AGBL1: variants seen among roughly 807,000 people sequenced by gnomAD.
AGBL1 encodes AGBL carboxypeptidase 1, also known as cytosolic carboxypeptidase 4.
A neutral mutation model predicts 118.9 loss-of-function variants in AGBL1; 130 were observed. The ratio of observed to expected loss-of-function variants is 1.09; its 90% CI spans 0.95 to 1.26. The LOEUF is 1.26. Among genes scored for constraint, AGBL1 ranks in the 50% most tolerant of loss-of-function variants. The probability of loss-of-function intolerance (pLI) is 0.00; values close to 1 mark genes in which losing one functional copy is unlikely to be tolerated. For missense variants in AGBL1, 1,584 were observed against 1,298.1 expected (o/e 1.22, Z -3.38); for synonymous variants, 555 against 478.9 (o/e 1.16, Z -2.08).
chr15:86,761,326 A>C lies in AGBL1; in HGVS notation c.3158+86890A>C, dbSNP rs181246996. ...ATTTGCACCACTGCACTCCAAAGTAAGGATTTAATTTTACTGGTGAAAAAC... is the reference window on the plus strand; with the variant it reads ...ATTTGCACCACTGCACTCCAAAGTACGGATTTAATTTTACTGGTGAAAAAC... On this transcript the variant is annotated intron_variant, in intron 22 of 22. Coordinates refer to ENST00000614907, the MANE Select transcript of AGBL1 (RefSeq NM_001386094.1). Among the ~76,000 whole-genome samples the C allele has an allele frequency of 3.3e-5, 5 of 152,226 alleles. No individual in the cohort carries two copies. The East Asian group carries it at 9.7e-4, about 30-fold the overall frequency.
intron 19 of AGBL1, among the ~76,000 whole-genome samples, chr15:86,527,049 C>T (rs896343194): frequency 2.0e-5 from 3 of 152,158 alleles, no homozygotes; most frequent in African/African-American, 7.2e-5. Context: ...ACAATCTTTT[C>T]ATTCTGACCT....
intron 23 of AGBL1, among the ~76,000 whole-genome samples, chr15:86,928,508 T>G (rs957874050): frequency 2.0e-5 from 3 of 152,202 alleles, no homozygotes; most frequent in Admixed American, 6.5e-5. Context: ...AGCATTTATT[T>G]GAGTCTAGGG....
At chr15:86,343,503 C>T (rs1160622546) in intron 17 of AGBL1, among the ~76,000 whole-genome samples, 2 of 152,164 alleles carry the variant, frequency 1.3e-5, no homozygotes, top group Non-Finnish European at 2.9e-5. Flanking sequence ...TGAAATGATG[C>T]CCCAGTCGGG....
At chr15:86,767,674 G>A (rs879911544) in intron 22 of AGBL1, among the ~76,000 whole-genome samples, 6 of 152,010 alleles carry the variant, frequency 3.9e-5, no homozygotes, top group Admixed American at 6.6e-5. Context: ...TCTTATAGTA[G>A]AGAAAACTGA....
chr15:86,786,914 G>A (rs1013767527), intron 22 of AGBL1, among the ~76,000 whole-genome samples: 3 of 152,092 alleles, frequency 2.0e-5, no homozygotes, highest in Admixed American at 1.3e-4. Flanking sequence ...GAGCCAAAAG[G>A]TATGTTCATC....
chr15:86,086,369 C>T (rs1415512148), intron 1 of AGBL1: 4 of 152,214 alleles, frequency 2.6e-5, no homozygotes, highest in Middle Eastern at 3.4e-3. Context: ...TCCTTTACGC[C>T]AGGCCTGAAA....
intron 18 of AGBL1, among the ~76,000 whole-genome samples, chr15:86,460,773 G>T (rs1294282646): frequency 6.6e-6 from 1 of 152,168 alleles, no homozygotes; most frequent in Admixed American, 6.5e-5. Flanking sequence ...TGATTTCCTA[G>T]TTCCTTTAGT....
intron 16 of AGBL1, among the ~76,000 whole-genome samples, chr15:86,293,039 T>C (rs1567182061): frequency 6.6e-6 from 1 of 152,336 alleles, no homozygotes; most frequent in East Asian, 1.9e-4. Flanking sequence ...CATAGAATTA[T>C]CTGGTAATCT....
At chr15:87,016,870 C>T (rs766123480) in intron 24 of AGBL1, among the ~76,000 whole-genome samples, 1 of 152,142 alleles carries the variant, frequency 6.6e-6, no homozygotes, top group Non-Finnish European at 1.5e-5. Flanking sequence ...ACCACCAAGG[C>T]CTTGGGTCTG....
At chr15:86,467,808 G>A (rs2082426423) in intron 18 of AGBL1, among the ~76,000 whole-genome samples, 1 of 152,152 alleles carries the variant, frequency 6.6e-6, no homozygotes, top group Non-Finnish European at 1.5e-5. Context: ...TCCATGGGTT[G>A]CACCCACTGT....
At chr15:86,546,571 A>T (rs1189387986) in intron 20 of AGBL1, among the ~76,000 whole-genome samples, 1 of 152,188 alleles carries the variant, frequency 6.6e-6, no homozygotes, top group Non-Finnish European at 1.5e-5. Flanking sequence ...AATGATACTG[A>T]ATACAAAAGG....
At chr15:86,225,233 A>G (rs984709278) in intron 6 of AGBL1, among the ~76,000 whole-genome samples, 3 of 151,944 alleles carry the variant, frequency 2.0e-5, no homozygotes, top group African/African-American at 2.4e-5. Context: ...AAGGGGGTAT[A>G]TTGACTACTG....
chr15:86,963,546 T>C (rs148041704), intron 23 of AGBL1, among the ~76,000 whole-genome samples: 158 of 152,138 alleles, frequency 1.0e-3, no homozygotes, highest in African/African-American at 3.6e-3. Flanking sequence ...TACAAAGTTA[T>C]AGCAAGAAGT....
intron 1 of AGBL1, among the ~76,000 whole-genome samples, chr15:86,096,051 A>T (rs1896359161): frequency 6.6e-6 from 1 of 152,068 alleles, no homozygotes; most frequent in Non-Finnish European, 1.5e-5. Flanking sequence ...CCGTAAATTT[A>T]TACATTAAAA....
Position 86,396,796 on chromosome 15 carries a change from T to C in AGBL1, c.2375-570T>C, listed in dbSNP as rs543916938. Among the ~76,000 whole-genome samples, 22 of 152,238 alleles carry C rather than the reference T, an allele frequency of 1.4e-4. 1 individual carries two copies. Among genetic ancestry groups the C allele is most frequent in the Admixed American group, 3.9e-4 (6 of 15,264 alleles). On this transcript the variant is annotated intron_variant, in intron 17 of 22. Coordinates refer to ENST00000614907, the MANE Select transcript of AGBL1 (RefSeq NM_001386094.1). Reference sequence around the variant, plus strand: ...TTGTCCCCATTTTATAGATAGGAGATAGTGTGAAAGAAATTAATTCATTTG... The same window carrying C: ...TTGTCCCCATTTTATAGATAGGAGACAGTGTGAAAGAAATTAATTCATTTG...
rs1254386848 is a variant in AGBL1, at chr15:86,910,393, A to G, written c.*3099A>G. On this transcript the variant is annotated 3_prime_UTR_variant, in exon 23 of 23. Coordinates refer to ENST00000614907, the MANE Select transcript of AGBL1 (RefSeq NM_001386094.1). ...GGAAAAACTAGACAGCAGTCAGATA[A>G]AGCTGCATTTGGCATTCCTTGATGA... 6.6e-6 allele frequency: 1 copy of G among 152,194 alleles called. No individual in the cohort carries two copies. The highest frequency in any genetic ancestry group is 2.4e-5 in the African/African-American group (1 of 41,456). 9.4% of individuals were successfully genotyped at this position (152,194 alleles called of 1,614,324 possible).
In AGBL1 at chr15:86,521,042, T is replaced by C. The variant is rs572110940; in HGVS notation, c.2556-1768T>C. ...AAAAAAGCAGGCAAAGAATAAAAAATGCCAGAGAGGAACATGCACAAGACC... is the reference window on the plus strand; with the variant it reads ...AAAAAAGCAGGCAAAGAATAAAAAACGCCAGAGAGGAACATGCACAAGACC... On this transcript the variant is annotated intron_variant, in intron 18 of 22. Transcript: ENST00000614907. 5.9e-5 allele frequency among the ~76,000 whole-genome samples: 9 copies of C among 152,246 alleles called. No homozygotes were observed. In the East Asian group the frequency reaches 1.5e-3, roughly 26 times the overall value.
chr15:86,988,209 A>G (rs964955176), intron 24 of AGBL1: 1 of 1,218,652 alleles, frequency 8.2e-7, no homozygotes, highest in Non-Finnish European at 1.1e-6. Flanking sequence ...CCAACAACAA[A>G]AAAACAACAT....
chr15:86,114,016 A>G (rs1211905453), intron 1 of AGBL1, among the ~76,000 whole-genome samples: 1 of 152,260 alleles, frequency 6.6e-6, no homozygotes, highest in Non-Finnish European at 1.5e-5. Context: ...TAAGTCATTA[A>G]CTACACTTGA....
Sources: gnomAD v4.1 joint callset for allele counts (sites outside exome capture counted in the v4.1 genomes callset) on GRCh38, gnomAD v4.1.1 for gene constraint, MANE v1.5 for transcripts, NCBI Gene and HGNC (gene_info 2026-07-23, HGNC 2026-07-21) for gene names.